The following CCDC110 variants were observed in gnomAD, a reference collection of about 807,000 sequenced individuals.
CCDC110 encodes the protein coiled-coil domain-containing protein 110.
A neutral mutation model predicts 77.1 loss-of-function variants in CCDC110; 70 were observed. The ratio of observed to expected loss-of-function variants is 0.91; its 90% CI spans 0.75 to 1.11. CCDC110 has a LOEUF of 1.11. Among genes scored for constraint, CCDC110 ranks in the 50% least tolerant of loss-of-function variants. The pLI is 0.00. For missense variants in CCDC110, 868 were observed against 942.9 expected, an observed-to-expected ratio of 0.92 and a Z score of 1.04; for synonymous variants, 295 against 312.5, an observed-to-expected ratio of 0.94 and a Z score of 0.59.
At position 185,457,932 on chromosome 4, in the gene CCDC110, T is replaced by C. The variant is rs981118289; in HGVS notation, c.2461+194A>G. On this transcript the variant is annotated intron_variant, in intron 6 of 6. Coordinates refer to ENST00000307588, the MANE Select transcript of CCDC110 (RefSeq NM_152775.4). ...GTTTGTACACATACAATGCACATAA[T>C]ATAAACAAAATAATATATATTTTAT... 4.9e-6 allele frequency: 3 copies of C among 615,178 alleles called. No homozygotes were observed. In the Admixed American group the frequency reaches 1.2e-4, roughly 24 times the overall value. 38.1% of individuals were successfully genotyped at this position (615,178 alleles called of 1,614,324 possible). A position where few individuals can be genotyped will look rare whatever the true frequency, so the allele number is the denominator to read the frequency against.
intron 2 of CCDC110, among the ~76,000 whole-genome samples, chr4:185,467,205 TGA>T (rs1227846223): frequency 6.6e-6 from 1 of 152,214 alleles, no homozygotes; most frequent in Non-Finnish European, 1.5e-5. Flanking sequence ...GACTCAAAAG[TGA>T]GTGTTTTTCT....
At chr4:185,453,860 C>A (rs960219633) in intron 6 of CCDC110, among the ~76,000 whole-genome samples, 1 of 148,856 alleles carries the variant, frequency 6.7e-6, no homozygotes, top group African/African-American at 2.5e-5. Flanking sequence ...GTTGCACAGG[C>A]TGGAGTGCAA....
In CCDC110 at chr4:185,471,066, CG is replaced by C; in HGVS notation, c.11-18del. On this transcript the variant is annotated intron_variant, in intron 1 of 6. Coordinates refer to ENST00000307588, the MANE Select transcript of CCDC110 (RefSeq NM_152775.4). ...GCTGCTTTTCTGTAACAGAACCGTC[CG>C]GGGCTGTTCTGTCGCGGGTCGTGGC... 1 of 1,225,888 alleles carries C rather than the reference CG, an allele frequency of 8.2e-7. No individual in the cohort carries two copies. The highest frequency in any genetic ancestry group is 1.1e-6 in the Non-Finnish European group (1 of 937,726). 75.9% of individuals were successfully genotyped at this position (1,225,888 alleles called of 1,614,324 possible). A position where few individuals can be genotyped will look rare whatever the true frequency, so the allele number is the denominator to read the frequency against.
chr4:185,468,410 C>T lies in CCDC110; in HGVS notation c.115+2535G>A, dbSNP rs535883346. Among the ~76,000 whole-genome samples the T allele has an allele frequency of 1.3e-3, 191 of 152,260 alleles. 1 individual carries two copies. The highest frequency in any genetic ancestry group is 4.5e-3 in the African/African-American group (186 of 41,544). On this transcript the variant is annotated intron_variant, in intron 2 of 6. Coordinates refer to ENST00000307588, the MANE Select transcript of CCDC110 (RefSeq NM_152775.4). The surrounding 1 kb of genome is among the most constrained non-coding windows in gnomAD (Gnocchi z 4.5). ...GTAAATTCAAAATTTCTAGTCAAGA[C>T]GGAGGGGAGAGAAGCCTTCTCAAAA...
At chr4:185,457,838 T>C in intron 6 of CCDC110, 1 of 1,328,652 alleles carries the variant, frequency 7.5e-7, no homozygotes, top group Non-Finnish European at 1.0e-6. Flanking sequence ...AAAAGAATTC[T>C]TTTAAGGTGG....
chr4:185,450,723 G>A (rs1476752467), intron 6 of CCDC110, among the ~76,000 whole-genome samples: 4 of 132,400 alleles, frequency 3.0e-5, no homozygotes, highest in Non-Finnish European at 4.8e-5. Flanking sequence ...CAGCCTGGGC[G>A]ACAGAGTGAG....
intron 2 of CCDC110, among the ~76,000 whole-genome samples, chr4:185,466,771 A>G (rs1488127099): frequency 2.0e-5 from 3 of 151,848 alleles, no homozygotes; most frequent in African/African-American, 7.3e-5. Context: ...ACCACAGGAC[A>G]TTCTAACATG....
At chr4:185,455,755 C>T (rs1434301195) in intron 6 of CCDC110, among the ~76,000 whole-genome samples, 4 of 151,852 alleles carry the variant, frequency 2.6e-5, no homozygotes, top group Admixed American at 6.6e-5. Flanking sequence ...TGGTAGTAGG[C>T]GCCTGTAATC....
rs191885966 is a variant in CCDC110 at position 185,457,061 on chromosome 4, A to G, written c.2461+1065T>C. 9.3e-6 allele frequency: 3 copies of G among 322,112 alleles called. No homozygotes were observed. The Admixed American group carries it at 1.3e-4, about 14-fold the overall frequency. 20.0% of individuals were successfully genotyped at this position (322,112 alleles called of 1,614,324 possible). ...GGAATGTATATTAAAAGAATAATAC[A>G]ACATCACCCAGTGGAGTTTATCCCA... On this transcript the variant is annotated intron_variant, in intron 6 of 6. Transcript: ENST00000307588.
At chr4:185,457,784 T>C in intron 6 of CCDC110, 1 of 1,447,400 alleles carries the variant, frequency 6.9e-7, no homozygotes, top group Non-Finnish European at 9.1e-7. Flanking sequence ...ATATCTTGGA[T>C]GGAAGCAAAT....
chr4:185,460,423 G>T (rs1354034874), intron 5 of CCDC110, among the ~76,000 whole-genome samples, 185 bp from the exon 6 acceptor site: 3 of 152,162 alleles, frequency 2.0e-5, no homozygotes, highest in Non-Finnish European at 4.4e-5. Flanking sequence ...CTGTAACTCT[G>T]GTCCTCACAA....
chr4:185,445,686 G>A, intron 6 of CCDC110, 144 bp from the exon 7 acceptor site: 2 of 559,206 alleles, frequency 3.6e-6, no homozygotes, highest in East Asian at 6.1e-5. Flanking sequence ...GTTCTTTGGA[G>A]TAAAAACAAT....
At chr4:185,461,484 A>G (rs2095646348) in intron 4 of CCDC110, among the ~76,000 whole-genome samples, 1 of 152,200 alleles carries the variant, frequency 6.6e-6, no homozygotes. Context: ...AGGAGGAGTT[A>G]TCTTCCCTTC....
Position 185,459,087 on chromosome 4 carries a change from GT to G in CCDC110, c.1499del (p.Tyr500SerfsTer12). 6.3e-7 allele frequency: 1 copy of G among 1,580,602 alleles called. No individual in the cohort carries two copies. Among genetic ancestry groups the G allele is most frequent in the Non-Finnish European group, 8.6e-7 (1 of 1,158,852 alleles). On this transcript the variant is annotated frameshift_variant, in exon 6 of 7. Coordinates refer to ENST00000307588, the MANE Select transcript of CCDC110 (RefSeq NM_152775.4). LOFTEE classifies it high-confidence loss of function. Reference protein sequence around the residue: ...IQSKLSKTEEYSKECLKEFKK... With the variant: ...IQSKLSKTEEXSKECLKEFKK... ...TAAATTCTTTAAGACACTCTTTGCTGTATTCTTCTGTTTTACTTAACTTAGA... is the reference window on the plus strand; with the variant it reads ...TAAATTCTTTAAGACACTCTTTGCTGATTCTTCTGTTTTACTTAACTTAGA...
intron 2 of CCDC110, chr4:185,470,605 G>A (rs28715304): frequency 0.25 from 120,529 of 480,044 alleles, 19,206 homozygotes; most frequent in African/African-American, 0.59. Flanking sequence ...GCAACGGAGC[G>A]TAGCGTGGTG....
Position 185,462,672 on chromosome 4 carries a change from G to T in CCDC110, c.208C>A (p.Arg70=). ...QQQLESFQAL[R]MQTLQNVSMV... is the part of the protein sequence containing the mutation. ...CTGACATTCTGCAAAGTCTGCATTC[G>T]CAAAGCCTGAAATGATTCCAACTGC... Residue 70 remains arginine, a synonymous_variant, in exon 4 of 7, where the codon CGA becomes AGA. Transcript: ENST00000307588. The T allele has an allele frequency of 6.2e-7, 1 of 1,613,748 alleles. No homozygotes were observed. Among genetic ancestry groups the T allele is most frequent in the East Asian group, 2.2e-5 (1 of 44,870 alleles).
chr4:185,460,105 G>A lies in CCDC110; in HGVS notation c.482C>T (p.Pro161Leu). Residue 161 changes from proline (P) to leucine (L), a missense_variant, in exon 6 of 7, where the codon CCA becomes CTA. Coordinates refer to ENST00000307588, the MANE Select transcript of CCDC110 (RefSeq NM_152775.4). ...VNSLPQSVNVPSQIHSEDTLT... is the reference protein window; with the variant it reads ...VNSLPQSVNVLSQIHSEDTLT... Reference sequence around the variant, plus strand: ...TGTGTCCTCGGAATGTATCTGGGATGGAACATTTACACTTTGAGGGAGACT... The same window carrying A: ...TGTGTCCTCGGAATGTATCTGGGATAGAACATTTACACTTTGAGGGAGACT... 6.2e-7 allele frequency: 1 copy of A among 1,613,646 alleles called. No individual in the cohort carries two copies.
At position 185,458,884 on chromosome 4, in the gene CCDC110, CTCAT is replaced by C; in HGVS notation, c.1699_1702del (p.Met567ValfsTer2). ...GGTTTTCATTGCTTCCATTTCTATA[CTCAT>C]TCGATTATTTTCATTATTTACAATG... On this transcript the variant is annotated frameshift_variant, in exon 6 of 7. Coordinates refer to ENST00000307588, the MANE Select transcript of CCDC110 (RefSeq NM_152775.4). LOFTEE classifies it high-confidence loss of function. 3.1e-6 allele frequency: 5 copies of C among 1,606,448 alleles called. No homozygotes were observed. Among genetic ancestry groups the C allele is most frequent in the Non-Finnish European group, 4.2e-6 (5 of 1,178,388 alleles).
chr4:185,450,637 G>A (rs922580576), intron 6 of CCDC110, among the ~76,000 whole-genome samples: 4 of 151,758 alleles, frequency 2.6e-5, no homozygotes, highest in Non-Finnish European at 5.9e-5. Flanking sequence ...ATCCCAGCTC[G>A]GGAGGCTGAG....
Sources: gnomAD v4.1 joint callset for allele counts (sites outside exome capture counted in the v4.1 genomes callset) on GRCh38, gnomAD v4.1.1 for gene constraint, Gnocchi (gnomAD v3.1) non-coding constraint, MANE v1.5 for transcripts, NCBI Gene and HGNC (gene_info 2026-07-23, HGNC 2026-07-21) for gene names.